Variants in SPATA31H1 observed in about 807,000 individuals in gnomAD.
The protein encoded by SPATA31H1 is spermatogenesis-associated protein 31H1.
chr2:27,541,767 A>T, the SPATA31H1 span, among the ~76,000 whole-genome samples: 1 of 151,974 alleles, frequency 6.6e-6, no homozygotes, highest in Non-Finnish European at 1.5e-5. Flanking sequence ...TCTGCTAATC[A>T]TATGTGACCA....
At chr2:27,543,782 C>T in the SPATA31H1 span, among the ~76,000 whole-genome samples, 1 of 152,038 alleles carries the variant, frequency 6.6e-6, no homozygotes, top group South Asian at 2.1e-4. Flanking sequence ...GGGCTCTTAA[C>T]ACCAGAAGGG....
chr2:27,570,970 A>C, the SPATA31H1 span: 4 of 398,712 alleles, frequency 1.0e-5, no homozygotes, highest in African/African-American at 4.1e-5. Context: ...CAAGGTATTA[A>C]ATCTTCTGAA....
the SPATA31H1 span, among the ~76,000 whole-genome samples, chr2:27,544,832 G>A: frequency 6.6e-5 from 10 of 151,768 alleles, 1 homozygote; most frequent in African/African-American, 2.2e-4. Context: ...ATAGGCCTAA[G>A]CCACTTCATC....
the SPATA31H1 span, among the ~76,000 whole-genome samples, chr2:27,540,392 G>A: frequency 1.5e-5 from 2 of 129,100 alleles, no homozygotes; most frequent in African/African-American, 6.0e-5. Context: ...TGGCCGGGCG[G>A]GGGGCTGACC....
At chr2:27,564,418 G>A in the SPATA31H1 span, among the ~76,000 whole-genome samples, 929 of 152,230 alleles carry the variant, frequency 6.1e-3, 6 homozygotes, top group African/African-American at 0.021. Context: ...GATATGGGGC[G>A]TTGAAGTATC....
At chr2:27,573,587 G>A in the SPATA31H1 span, 1 of 398,458 alleles carries the variant, frequency 2.5e-6, no homozygotes, top group Non-Finnish European at 4.4e-6. Flanking sequence ...TGAGAACTGT[G>A]AAATCATGTG....
At chr2:27,556,010 T>C in the SPATA31H1 span, among the ~76,000 whole-genome samples, 1 of 151,638 alleles carries the variant, frequency 6.6e-6, no homozygotes, top group East Asian at 1.9e-4. Flanking sequence ...CATGTGCCTG[T>C]AGTCCTAGCT....
the SPATA31H1 span, chr2:27,580,142 G>A: frequency 6.2e-7 from 1 of 1,614,172 alleles, no homozygotes; most frequent in Non-Finnish European, 8.5e-7. Flanking sequence ...CCGTCATACG[G>A]AGAAGCCCTA....
the SPATA31H1 span, chr2:27,567,195 C>A: frequency 6.3e-6 from 4 of 637,116 alleles, no homozygotes; most frequent in East Asian, 5.4e-5. Flanking sequence ...GACATCAGAT[C>A]ATGAGCCAAA....
the SPATA31H1 span, chr2:27,577,969 G>A: frequency 6.2e-7 from 1 of 1,614,086 alleles, no homozygotes; most frequent in Non-Finnish European, 8.5e-7. The surrounding 1 kb of genome is among the most constrained non-coding windows in gnomAD (Gnocchi z 4.5). Flanking sequence ...ACAACCCCAG[G>A]ACCACTGGGT....
the SPATA31H1 span, among the ~76,000 whole-genome samples, chr2:27,549,833 C>A: frequency 1.3e-5 from 2 of 151,732 alleles, no homozygotes; most frequent in East Asian, 1.9e-4. Flanking sequence ...AATAAAATTT[C>A]TTTTGTGGAG....
the SPATA31H1 span, among the ~76,000 whole-genome samples, chr2:27,560,647 C>T: frequency 2.0e-5 from 3 of 151,804 alleles, no homozygotes; most frequent in Non-Finnish European, 2.9e-5. Flanking sequence ...TTAGTAGAGA[C>T]GGGGTTTCAC....
chr2:27,579,185 A>G, the SPATA31H1 span: 4 of 1,614,080 alleles, frequency 2.5e-6, no homozygotes, highest in Non-Finnish European at 3.4e-6. Context: ...CGGGCAGACA[A>G]CACAATGTCT....
chr2:27,577,341 C>G, the SPATA31H1 span: 5 of 1,614,048 alleles, frequency 3.1e-6, no homozygotes, highest in South Asian at 3.3e-5. This position sits in a 1 kb window ranked among gnomAD's most constrained non-coding sequence, Gnocchi z 4.5. Flanking sequence ...GAAGCCACTG[C>G]AGCAAACTGT....
chr2:27,565,037 C>T, the SPATA31H1 span, among the ~76,000 whole-genome samples: 1 of 152,028 alleles, frequency 6.6e-6, no homozygotes, highest in Non-Finnish European at 1.5e-5. Context: ...TTCCCACTTG[C>T]CTGAAATACT....
the SPATA31H1 span, chr2:27,537,517 C>A: frequency 1.4e-6 from 1 of 717,300 alleles, no homozygotes; most frequent in Non-Finnish European, 2.6e-6. Flanking sequence ...GCTTTGGACA[C>A]TGTTTTCCAG....
At chr2:27,580,919 C>T in the SPATA31H1 span, 2 of 1,614,216 alleles carry the variant, frequency 1.2e-6, no homozygotes, top group East Asian at 2.2e-5. Flanking sequence ...CTTTCCAACC[C>T]AGACCTCTTC....
At chr2:27,579,687 G>C in the SPATA31H1 span, 1 of 1,614,124 alleles carries the variant, frequency 6.2e-7, no homozygotes. Flanking sequence ...CATATTTTAC[G>C]ATAGAGAAGA....
chr2:27,562,017 A>G, the SPATA31H1 span, among the ~76,000 whole-genome samples: 1 of 152,162 alleles, frequency 6.6e-6, no homozygotes, highest in Non-Finnish European at 1.5e-5. Flanking sequence ...ACCATTTGCT[A>G]AACAATCATT....
Sources: gnomAD v4.1 joint callset for allele counts (sites outside exome capture counted in the v4.1 genomes callset) on GRCh38, gnomAD v4.1.1 for gene constraint, Gnocchi (gnomAD v3.1) non-coding constraint, MANE v1.5 for transcripts, NCBI Gene and HGNC (gene_info 2026-07-23, HGNC 2026-07-21) for gene names.